The following HELZ variants were observed in gnomAD, a reference collection of about 807,000 sequenced individuals.
HELZ encodes ATP-dependent RNA helicase with zinc finger domain.
HELZ carries 23 observed loss-of-function variants against 218.2 expected under a neutral mutation model. The ratio of observed to expected loss-of-function variants is 0.11; its 90% CI spans 0.08 to 0.15. The LOEUF is 0.15. HELZ is among the 10% of genes least tolerant of loss of function. The pLI, the probability that HELZ is intolerant of heterozygous loss-of-function variation, is 1.00. For synonymous variants in HELZ, 814 were observed against 829.4 expected (o/e 0.98, Z 0.32); for missense variants, 1,813 against 2,353.7 (o/e 0.77, Z 4.75).
At chr17:67,130,354 T>A (rs2037939979) in intron 23 of HELZ, among the ~76,000 whole-genome samples, 1 of 151,782 alleles carries the variant, frequency 6.6e-6, no homozygotes, top group African/African-American at 2.4e-5. Flanking sequence ...ATAAAAAAAA[T>A]TAAAAATTTT....
chr17:67,120,538 A>G lies in HELZ; in HGVS notation c.3705T>C (p.Tyr1235=). 6.2e-7 allele frequency: 1 copy of G among 1,613,694 alleles called. No individual in the cohort carries two copies. The highest frequency in any genetic ancestry group is 1.1e-5 in the South Asian group (1 of 91,052). ...RIITHQAAMA[Y]NMNLLQTHGR... is the part of the protein sequence containing the mutation. ...CATGTGTCTGTAATAGGTTCATGTTATAGGCCATTGCTGCCTGATGTGTAA... is the reference window on the plus strand; with the variant it reads ...CATGTGTCTGTAATAGGTTCATGTTGTAGGCCATTGCTGCCTGATGTGTAA... The change falls in exon 27 of 33, where the codon TAT becomes TAC. Residue 1235 remains tyrosine, a synonymous_variant. Coordinates refer to ENST00000358691, the MANE Select transcript of HELZ (RefSeq NM_014877.4).
Position 67,109,467 on chromosome 17 carries a change from A to G in HELZ, c.4138T>C (p.Leu1380=). 6.2e-7 allele frequency: 1 copy of G among 1,614,132 alleles called. No individual in the cohort carries two copies. The highest frequency in any genetic ancestry group is 1.7e-5 in the Admixed American group (1 of 60,008). ...PFPIPQQHTL[L]NQQQNNLPEQ... ...GGCAAATTATTCTGCTGCTGATTTA[A>G]CAAGGTGTGCTGCTGTGGAATTGGA... Residue 1380 remains leucine, a synonymous_variant, in exon 29 of 33, where the codon TTA becomes CTA. Transcript: ENST00000358691.
At chr17:67,155,723 G>A (rs1468559597) in intron 17 of HELZ, among the ~76,000 whole-genome samples, 2 of 151,944 alleles carry the variant, frequency 1.3e-5, no homozygotes, top group Non-Finnish European at 2.9e-5. Flanking sequence ...TGTAATTCCA[G>A]CTACTTGGGA....
intron 32 of HELZ, among the ~76,000 whole-genome samples, chr17:67,079,873 C>G (rs1298656969): frequency 6.6e-6 from 1 of 152,108 alleles, no homozygotes; most frequent in Non-Finnish European, 1.5e-5. Flanking sequence ...ACATACTATT[C>G]TATTGTTTTT....
intron 9 of HELZ, 100 bp from the exon 10 acceptor site, chr17:67,190,455 C>T: frequency 1.2e-6 from 1 of 834,122 alleles, no homozygotes; most frequent in East Asian, 2.6e-5. Flanking sequence ...AAAAACAAAA[C>T]TTCATGTGCT....
At chr17:67,154,215 G>A (rs149596023) in intron 17 of HELZ, among the ~76,000 whole-genome samples, 1 of 152,300 alleles carries the variant, frequency 6.6e-6, no homozygotes, top group African/African-American at 2.4e-5. Flanking sequence ...AACACTTGAG[G>A]CCAGGAGTTC....
intron 31 of HELZ, among the ~76,000 whole-genome samples, chr17:67,106,360 G>C (rs962589632): frequency 1.4e-5 from 2 of 147,624 alleles, no homozygotes; most frequent in Non-Finnish European, 2.9e-5. Context: ...CCACGCTGGA[G>C]TGCAGTGGCA....
intron 7 of HELZ, among the ~76,000 whole-genome samples, chr17:67,199,110 T>C (rs17647249): frequency 0.4 from 60,230 of 152,012 alleles, 13,313 homozygotes; most frequent in Non-Finnish European, 0.51. Context: ...ATTTTAAAAG[T>C]CTAAAACATC....
chr17:67,155,592 T>C (rs909321658), intron 17 of HELZ, among the ~76,000 whole-genome samples: 1 of 152,110 alleles, frequency 6.6e-6, no homozygotes, highest in African/African-American at 2.4e-5. Flanking sequence ...TACCATACAC[T>C]TTGGGAGGCC....
intron 21 of HELZ, among the ~76,000 whole-genome samples, chr17:67,144,667 A>G (rs970430880): frequency 1.3e-5 from 2 of 151,942 alleles, no homozygotes; most frequent in Non-Finnish European, 2.9e-5. Context: ...ATCAGGGCTC[A>G]GCTCTGATCC....
At chr17:67,144,222 C>A (rs1182764303) in intron 21 of HELZ, among the ~76,000 whole-genome samples, 1 of 151,998 alleles carries the variant, frequency 6.6e-6, no homozygotes, top group Non-Finnish European at 1.5e-5. Flanking sequence ...TACTGGTATT[C>A]AAAAATTCAA....
At chr17:67,228,706 ACATT>A (rs1358362235) in intron 3 of HELZ, among the ~76,000 whole-genome samples, 1 of 131,858 alleles carries the variant, frequency 7.6e-6, no homozygotes, top group Non-Finnish European at 1.6e-5. Flanking sequence ...CCAAATTGAT[ACATT>A]ATTATTATTA....
In HELZ at chr17:67,160,979, G is replaced by A. The variant is rs371826234; in HGVS notation, c.1993C>T (p.Leu665Phe). The change falls in exon 16 of 33, where the codon CTT becomes TTT. Residue 665 changes from leucine to phenylalanine, a missense_variant. This residue lies in a region of HELZ where 714 missense variants were observed against 1,029.2 expected (regional missense o/e 0.69). Transcript: ENST00000358691. ...CCTGTCCCATAGGGTCCGATGATAA[G>A]CACAGGCGGCAGCTGGATTGCAAGT... Reference protein sequence around the residue: ...TPLAIQLPPVLIIGPYGTGKT... With the variant: ...TPLAIQLPPVFIIGPYGTGKT... 18 of 1,613,698 alleles carry A rather than the reference G, an allele frequency of 1.1e-5. No homozygotes were observed. The highest frequency in any genetic ancestry group is 2.7e-5 in the African/African-American group (2 of 74,912).
chr17:67,204,807 A>T (rs898869986), intron 5 of HELZ, among the ~76,000 whole-genome samples: 1 of 152,086 alleles, frequency 6.6e-6, no homozygotes, highest in Non-Finnish European at 1.5e-5. Context: ...TGAAACTCCA[A>T]TAAGGAGTTA....
chr17:67,109,405 C>T lies in HELZ; in HGVS notation c.4200G>A (p.Gln1400=), dbSNP rs768476578. The T allele has an allele frequency of 1.2e-6, 2 of 1,614,152 alleles. No individual in the cohort carries two copies. Among genetic ancestry groups the T allele is most frequent in the South Asian group, 1.1e-5 (1 of 91,082 alleles). Residue 1400 remains glutamine, a synonymous_variant, in exon 29 of 33, where the codon CAG becomes CAA. Coordinates refer to ENST00000358691, the MANE Select transcript of HELZ (RefSeq NM_014877.4). ...QPNQIPPQPN[Q]VVQQQSQLNQ... The stretch of plus-strand genomic sequence containing the variant: ...TCAACTGACTTTGCTGCTGGACTAC[C>T]TGATTTGGCTGAGGTGGTATCTGAT...
chr17:67,199,052 G>C (rs1303185726), intron 7 of HELZ, among the ~76,000 whole-genome samples: 2 of 151,946 alleles, frequency 1.3e-5, no homozygotes, highest in Non-Finnish European at 2.9e-5. Flanking sequence ...AATAAAAGAA[G>C]AACAAAGCCA....
At chr17:67,159,106 C>G (rs964212593) in intron 17 of HELZ, among the ~76,000 whole-genome samples, 2 of 152,190 alleles carry the variant, frequency 1.3e-5, no homozygotes, top group African/African-American at 4.8e-5. Flanking sequence ...GCTAACTACT[C>G]AACTTTCACT....
chr17:67,197,905 T>C (rs1792034787), intron 7 of HELZ, among the ~76,000 whole-genome samples: 1 of 152,190 alleles, frequency 6.6e-6, no homozygotes, highest in South Asian at 2.1e-4. Context: ...AAGGGCTGAA[T>C]ATAAGAATAC....
intron 31 of HELZ, among the ~76,000 whole-genome samples, chr17:67,098,251 G>C (rs992544033): frequency 5.3e-5 from 8 of 152,154 alleles, no homozygotes; most frequent in African/African-American, 1.9e-4. Context: ...ACTGTCAGGA[G>C]TCTCCACTCC....
Sources: gnomAD v4.1 joint callset for allele counts (sites outside exome capture counted in the v4.1 genomes callset) on GRCh38, gnomAD v4.1.1 for gene constraint, gnomAD v4.1.1 regional missense constraint, MANE v1.5 for transcripts, NCBI Gene and HGNC (gene_info 2026-07-23, HGNC 2026-07-21) for gene names.